Variants in ALYREF observed in about 807,000 individuals in gnomAD.
The protein encoded by ALYREF is Aly/REF export factor, also known as THO complex subunit 4.
Under a neutral mutation model 25.2 loss-of-function variants are expected in ALYREF, and 1 was observed. The observed-to-expected ratio is 0.04, with a 90% CI of 0.01 to 0.19. The LOEUF (loss-of-function observed/expected upper bound fraction) is 0.19, where lower values mean the gene tolerates loss of function less well. ALYREF is among the 10% of genes least tolerant of loss of function. The pLI is 1.00. For synonymous variants in ALYREF, 193 were observed against 153.5 expected (o/e 1.26, Z -1.90); for missense variants, 328 against 375.6 (o/e 0.87, Z 1.05).
Position 81,888,580 on chromosome 17 carries a change from C to A in ALYREF, c.542G>T (p.Arg181Leu). ...KQYNGVPLDG[R>L]PMNIQLVTSQ... ...CGTGACAAGCTGAATGTTCATGGGGCGGCCTGCGGCAAAGAATACGAGAAG... is the reference window on the plus strand; with the variant it reads ...CGTGACAAGCTGAATGTTCATGGGGAGGCCTGCGGCAAAGAATACGAGAAG... Residue 181 changes from arginine to leucine, a missense_variant, in exon 4 of 6, where the codon CGC (arginine) becomes CTC (leucine). Coordinates refer to ENST00000505490, the MANE Select transcript of ALYREF (RefSeq NM_005782.4). The surrounding 1 kb of genome is among the most constrained non-coding windows in gnomAD (Gnocchi z 5.8). 1 of 1,589,886 alleles carries A rather than the reference C, an allele frequency of 6.3e-7. No homozygotes were observed. The highest frequency in any genetic ancestry group is 1.8e-5 in the Admixed American group (1 of 55,944).
rs545610593 is a variant in ALYREF, at chr17:81,888,480, C to T, written c.602+40G>A. On this transcript the variant is annotated intron_variant, in intron 4 of 5. Coordinates refer to ENST00000505490, the MANE Select transcript of ALYREF (RefSeq NM_005782.4). The surrounding 1 kb of genome is among the most constrained non-coding windows in gnomAD (Gnocchi z 5.8). ...GGACCCTAAGAGCGACGCAGCCTCA[C>T]CCTCGGCCAATCCCCTTCCCCAGAG... The T allele has an allele frequency of 3.3e-5, 53 of 1,604,034 alleles. No homozygotes were observed. Among genetic ancestry groups the T allele is most frequent in the Non-Finnish European group, 4.4e-5 (52 of 1,174,366 alleles).
At position 81,888,403 on chromosome 17, in the gene ALYREF, G is replaced by C; in HGVS notation, c.618C>G (p.Gly206=). The C allele has an allele frequency of 6.2e-7, 1 of 1,600,208 alleles. No homozygotes were observed. The highest frequency in any genetic ancestry group is 1.3e-5 in the African/African-American group (1 of 74,776). The change falls in exon 5 of 6, where the codon GGC becomes GGG. Residue 206 remains glycine (G), a synonymous_variant. Coordinates refer to ENST00000505490, the MANE Select transcript of ALYREF (RefSeq NM_005782.4). This position sits in a 1 kb window ranked among gnomAD's most constrained non-coding sequence, Gnocchi z 5.8. ...RRPAQSVNRG[G]MTRNRGAGGF... The stretch of plus-strand genomic sequence containing the variant: ...CTCCAGCGCCACGGTTTCTAGTCAT[G>C]CCACCTCTGTTTACGCTAGCAAGGA...
chr17:81,890,919 G>C, intron 1 of ALYREF, 99 bp from the exon 2 acceptor site: 5 of 1,552,978 alleles, frequency 3.2e-6, no homozygotes, highest in Non-Finnish European at 4.4e-6. Context: ...CCCGGCCTGA[G>C]AGGATCCGGC....
intron 1 of ALYREF, 120 bp from the exon 2 acceptor site, chr17:81,890,940 C>A: frequency 6.9e-7 from 1 of 1,453,784 alleles, no homozygotes; most frequent in South Asian, 1.3e-5. Flanking sequence ...CGAAACGGGG[C>A]CGCCAGCGCT....
rs919762652 is a variant in ALYREF at position 81,888,317 on chromosome 17, C to T, written c.704G>A (p.Arg235Lys). 2 of 1,607,378 alleles carry T rather than the reference C, an allele frequency of 1.2e-6. No individual in the cohort carries two copies. Among genetic ancestry groups the T allele is most frequent in the Non-Finnish European group, 1.7e-6 (2 of 1,179,218 alleles). Reference sequence around the variant, plus strand: ...CTGCTTTGAATTCCTGCCGGCACCTCTGCCTCTTCCACGGGCGCCTCCGCG... The same window carrying T: ...CTGCTTTGAATTCCTGCCGGCACCTTTGCCTCTTCCACGGGCGCCTCCGCG... ...GTRGGARGRG[R>K]GAGRNSKQQL... Residue 235 changes from arginine to lysine, a missense_variant, in exon 5 of 6, where the codon AGA becomes AAA. By Grantham distance (26) the Arg-to-Lys change is conservative (BLOSUM62 2). Coordinates refer to ENST00000505490, the MANE Select transcript of ALYREF (RefSeq NM_005782.4). This position sits in a 1 kb window ranked among gnomAD's most constrained non-coding sequence, Gnocchi z 5.8.
chr17:81,889,001 T>G (rs2143488513), intron 3 of ALYREF, 181 bp downstream of exon 3: 2 of 1,426,138 alleles, frequency 1.4e-6, no homozygotes, highest in South Asian at 1.5e-5. Context: ...TGGATGGGGG[T>G]TCACAAGAGG....
At chr17:81,889,471 A>T (rs1169454420) in intron 2 of ALYREF, 142 bp from the exon 3 acceptor site, 1 of 939,820 alleles carries the variant, frequency 1.1e-6, no homozygotes, top group Non-Finnish European at 1.6e-6. Flanking sequence ...AAATGAGGGA[A>T]GGGCGGGGCA....
In ALYREF at chr17:81,888,546, A is replaced by C. The variant is rs368752469; in HGVS notation, c.576T>G (p.Ile192Met). The C allele has an allele frequency of 8.1e-6, 13 of 1,597,418 alleles. No individual in the cohort carries two copies. Among genetic ancestry groups the C allele is most frequent in the Non-Finnish European group, 1.0e-5 (12 of 1,171,144 alleles). ...PMNIQLVTSQ[I>M]DAQRRPAQSV... ...TCTGTGCAGGCCTCCGCTGTGCGTC[A>C]ATCTGTGACGTGACAAGCTGAATGT... Residue 192 changes from isoleucine to methionine, a missense_variant, in exon 4 of 6, where the codon ATT (isoleucine) becomes ATG (methionine). Transcript: ENST00000505490. This position sits in a 1 kb window ranked among gnomAD's most constrained non-coding sequence, Gnocchi z 5.8.
chr17:81,888,359 C>A lies in ALYREF; in HGVS notation c.662G>T (p.Gly221Val). 1 of 1,603,046 alleles carries A rather than the reference C, an allele frequency of 6.2e-7. No homozygotes were observed. The highest frequency in any genetic ancestry group is 8.5e-7 in the Non-Finnish European group (1 of 1,177,656). ...RGAGGFGGGG[G>V]TRRGTRGGAR... Reference sequence around the variant, plus strand: ...GCCTCCGCGGGTGCCTCTCCGGGTGCCTCCACCACCACCAAAACCTCCAGC... The same window carrying A: ...GCCTCCGCGGGTGCCTCTCCGGGTGACTCCACCACCACCAAAACCTCCAGC... The change falls in exon 5 of 6, where the codon GGC (glycine) becomes GTC (valine). Residue 221 changes from glycine to valine, a missense_variant. Physicochemically the swap from Gly to Val is moderately radical, Grantham distance 109. Coordinates refer to ENST00000505490, the MANE Select transcript of ALYREF (RefSeq NM_005782.4). The surrounding 1 kb of genome is among the most constrained non-coding windows in gnomAD (Gnocchi z 5.8).
At chr17:81,889,026 T>C in intron 3 of ALYREF, 156 bp downstream of exon 3, 1 of 1,455,460 alleles carries the variant, frequency 6.9e-7, no homozygotes, top group Non-Finnish European at 9.1e-7. Context: ...TCCAGATGTG[T>C]GGGGCAGCAT....
In ALYREF at chr17:81,891,396, A is replaced by T; in HGVS notation, c.185T>A (p.Ile62Asn). 1 of 1,089,672 alleles carries T rather than the reference A, an allele frequency of 9.2e-7. No homozygotes were observed. The highest frequency in any genetic ancestry group is 3.4e-5 in the South Asian group (1 of 29,792). 67.5% of individuals were successfully genotyped at this position (1,089,672 alleles called of 1,614,324 possible). ...AARVNRGGGP[I>N]RNRPAIARGA... ...GCGGGCGATGGCCGGCCGGTTCCGG[A>T]TGGGCCCGCCGCCTCGATTCACTCG... The change falls in exon 1 of 6, where the codon ATC (isoleucine) becomes AAC (asparagine). Residue 62 changes from isoleucine (I) to asparagine (N), a missense_variant. Around this residue, in one of 3 missense-constraint regions of ALYREF, gnomAD observed 150 missense variants for 135.3 expected, o/e 1.11. Coordinates refer to ENST00000505490, the MANE Select transcript of ALYREF (RefSeq NM_005782.4).
rs2039529017 is a variant in ALYREF at position 81,891,488 on chromosome 17, G to A, written c.93C>T (p.Gly31=). 1 of 1,236,272 alleles carries A rather than the reference G, an allele frequency of 8.1e-7. No homozygotes were observed. Among genetic ancestry groups the A allele is most frequent in the Non-Finnish European group, 1.0e-6 (1 of 970,960 alleles). 76.6% of individuals were successfully genotyped at this position (1,236,272 alleles called of 1,614,324 possible). ...KLNRSQRGGR[G]GGRGRGRAGS... ...CGGCCCGGCCGCGGCCCCGGCCCCC[G>A]CCCCGGCCGCCTCGCTGGCTCCGGT... Residue 31 remains glycine, a synonymous_variant, in exon 1 of 6, where the codon GGC becomes GGT. Transcript: ENST00000505490.
In ALYREF at chr17:81,888,832, G is replaced by A. The variant is rs114233604; in HGVS notation, c.539-249C>T. On this transcript the variant is annotated intron_variant, in intron 3 of 5. Transcript: ENST00000505490. This position sits in a 1 kb window ranked among gnomAD's most constrained non-coding sequence, Gnocchi z 5.8. Reference sequence around the variant, plus strand: ...TGCTCGCTGAGGTATCGGGGTGCTCGTGGGTGGAGAGGTGTGGGTGACCTG... The same window carrying A: ...TGCTCGCTGAGGTATCGGGGTGCTCATGGGTGGAGAGGTGTGGGTGACCTG... The A allele has an allele frequency of 1.9e-4, 275 of 1,418,910 alleles. No individual in the cohort carries two copies. In the African/African-American group the frequency reaches 3.1e-3, roughly 16 times the overall value. 87.9% of individuals were successfully genotyped at this position (1,418,910 alleles called of 1,614,324 possible).
rs980979771 is a variant in ALYREF, at chr17:81,890,976, C to G, written c.259-156G>C. 1.1e-5 allele frequency: 13 copies of G among 1,146,386 alleles called. No individual in the cohort carries two copies. In the African/African-American group the frequency reaches 2.0e-4, roughly 18 times the overall value. The allele number at this position is 1,146,386 out of a possible 1,614,324, so 71.0% of individuals were successfully genotyped here. On this transcript the variant is annotated intron_variant, in intron 1 of 5. Transcript: ENST00000505490. The stretch of plus-strand genomic sequence containing the variant: ...CCCTCCGGCGCTGCAGCTGCCCCAG[C>G]CCGAGGCCGCACGGTCCCACCGCGG...
chr17:81,890,198 G>A (rs146199391), intron 2 of ALYREF, among the ~76,000 whole-genome samples: 5 of 152,258 alleles, frequency 3.3e-5, no homozygotes, highest in East Asian at 3.9e-4. Context: ...TCATGTCACT[G>A]ACGGGACACG....
chr17:81,888,108 C>T lies in ALYREF; in HGVS notation c.*23G>A, dbSNP rs773380671. The T allele has an allele frequency of 1.2e-5, 19 of 1,613,822 alleles. No individual in the cohort carries two copies. Among genetic ancestry groups the T allele is most frequent in the East Asian group, 8.9e-5 (4 of 44,898 alleles). ...AAGAGGAGACGCCTGGGTCCTGTTC[C>T]GCACGCGGATTTGCTGGTCTGTTTA... On this transcript the variant is annotated 3_prime_UTR_variant, in exon 6 of 6. Transcript: ENST00000505490. The surrounding 1 kb of genome is among the most constrained non-coding windows in gnomAD (Gnocchi z 5.8).
At chr17:81,889,437 G>C in intron 2 of ALYREF, 108 bp from the exon 3 acceptor site, 2 of 1,312,822 alleles carry the variant, frequency 1.5e-6, no homozygotes, top group South Asian at 2.6e-5. Flanking sequence ...TGGTTCTCTG[G>C]GAGGCAGGAC....
Position 81,891,336 on chromosome 17 carries a change from G to A in ALYREF, c.245C>T (p.Ala82Val). 1 of 1,162,600 alleles carries A rather than the reference G, an allele frequency of 8.6e-7. No homozygotes were observed. 72.0% of individuals were successfully genotyped at this position (1,162,600 alleles called of 1,614,324 possible). A position where few individuals can be genotyped will look rare whatever the true frequency, so the allele number is the denominator to read the frequency against. The change falls in exon 1 of 6, where the codon GCG becomes GTG. Residue 82 changes from alanine (A) to valine (V), a missense_variant. Physicochemically the swap from Ala to Val is moderately conservative, Grantham distance 64. Around this residue, in one of 3 missense-constraint regions of ALYREF, gnomAD observed 150 missense variants for 135.3 expected, o/e 1.11. Coordinates refer to ENST00000505490, the MANE Select transcript of ALYREF (RefSeq NM_005782.4). ...CTCCGCACTCACCCTGCTGTAGGGCGCCGGTCGGTTCCTGCCGCCTCCGCC... is the reference window on the plus strand; with the variant it reads ...CTCCGCACTCACCCTGCTGTAGGGCACCGGTCGGTTCCTGCCGCCTCCGCC... Reference protein sequence around the residue: ...AAGGGGRNRPAPYSRPKQLPD... With the variant: ...AAGGGGRNRPVPYSRPKQLPD...
At chr17:81,890,615 C>T in intron 2 of ALYREF, 74 bp downstream of exon 2, 1 of 1,581,894 alleles carries the variant, frequency 6.3e-7, no homozygotes, top group Non-Finnish European at 8.6e-7. Context: ...GAAGGGGACT[C>T]AGGGCCACAT....
Sources: gnomAD v4.1 joint callset for allele counts (sites outside exome capture counted in the v4.1 genomes callset) on GRCh38, gnomAD v4.1.1 for gene constraint, gnomAD v4.1.1 regional missense constraint, Gnocchi (gnomAD v3.1) non-coding constraint, MANE v1.5 for transcripts, NCBI Gene and HGNC (gene_info 2026-07-23, HGNC 2026-07-21) for gene names.